TACC2: variants seen among roughly 807,000 people sequenced by gnomAD.
TACC2 encodes transforming acidic coiled-coil-containing protein 2.
In TACC2, 137 loss-of-function variants were observed where a neutral mutation model predicts 227.3. The observed-to-expected ratio is 0.60, with a 90% CI of 0.52 to 0.69. The LOEUF (loss-of-function observed/expected upper bound fraction) is 0.69. TACC2 is among the 30% of genes least tolerant of loss of function. TACC2 has a pLI of 0.00. For missense variants in TACC2, 3,470 were observed against 3,694.4 expected (o/e 0.94, Z 1.57); for synonymous variants, 1,523 against 1,487.5 (o/e 1.02, Z -0.55).
intron 11 of TACC2, among the ~76,000 whole-genome samples, chr10:122,222,004 AAGC>A (rs2095532908): frequency 6.6e-6 from 1 of 152,272 alleles, no homozygotes; most frequent in Non-Finnish European, 1.5e-5. Context: ...TAATTACCAA[AAGC>A]AGCCCTCAGA....
rs2076833474 is a variant in TACC2, at chr10:122,061,632, A to T, written c.146+11082A>T. ...AGCTCCTTAGCACCCCAGCCTTTTT[A>T]GGGGGTCGGTGTCTTAGTCCATTTA... On this transcript the variant is annotated intron_variant, in intron 3 of 22. Coordinates refer to ENST00000369005, the MANE Select transcript of TACC2 (RefSeq NM_206862.4). Among the ~76,000 whole-genome samples, 3 of 152,120 alleles carry T rather than the reference A, an allele frequency of 2.0e-5. No individual in the cohort carries two copies. In the South Asian group the frequency reaches 6.2e-4, roughly 32 times the overall value.
intron 19 of TACC2, 36 bp downstream of exon 19, chr10:122,242,037 C>G: frequency 6.2e-7 from 1 of 1,602,674 alleles, no homozygotes; most frequent in Non-Finnish European, 8.6e-7. Context: ...CAGGCCGGCC[C>G]CGATGTTTCT....
chr10:122,227,599 T>C (rs1051836382), intron 13 of TACC2, among the ~76,000 whole-genome samples: 1 of 152,216 alleles, frequency 6.6e-6, no homozygotes, highest in African/African-American at 2.4e-5. Context: ...GCGGGTGGTC[T>C]GCTGAACTGC....
chr10:122,027,144 G>C (rs1040066865), intron 2 of TACC2, among the ~76,000 whole-genome samples: 8 of 152,088 alleles, frequency 5.3e-5, no homozygotes, highest in Non-Finnish European at 1.0e-4. Context: ...TCTGGATTTT[G>C]GGTCATTCTG....
chr10:122,162,888 G>A (rs894026395), intron 7 of TACC2, among the ~76,000 whole-genome samples: 3 of 152,126 alleles, frequency 2.0e-5, no homozygotes, highest in Non-Finnish European at 2.9e-5. Context: ...TGCCTTGGGC[G>A]GCTCAGCTGG....
At chr10:122,136,872 A>G (rs889866384) in intron 6 of TACC2, among the ~76,000 whole-genome samples, 11 of 151,992 alleles carry the variant, frequency 7.2e-5, no homozygotes, top group Non-Finnish European at 1.2e-4. Flanking sequence ...TTTAATTAAT[A>G]AAAAAAATTT....
chr10:122,084,369 G>A lies in TACC2; in HGVS notation c.1869G>A (p.Glu623=), dbSNP rs950570245. ...TTTCAAAGCCAAGCAGTGATGCAGA[G>A]AGCAGAGACCATCCCAGCTCACACT... ...DELSKPSSDA[E]SRDHPSSHSA... is the part of the protein sequence containing the mutation. Residue 623 remains glutamate, a synonymous_variant, in exon 4 of 23, where the codon GAG becomes GAA. Coordinates refer to ENST00000369005, the MANE Select transcript of TACC2 (RefSeq NM_206862.4). 2.5e-6 allele frequency: 4 copies of A among 1,613,504 alleles called. No individual in the cohort carries two copies. The highest frequency in any genetic ancestry group is 3.4e-6 in the Non-Finnish European group (4 of 1,180,032).
At chr10:122,132,438 A>T (rs980139598) in intron 5 of TACC2, among the ~76,000 whole-genome samples, 171 bp from the exon 6 acceptor site, 1 of 152,172 alleles carries the variant, frequency 6.6e-6, no homozygotes, top group Non-Finnish European at 1.5e-5. Flanking sequence ...AATCGCAGCT[A>T]CTCAGGAGGC....
chr10:122,087,376 CAT>C lies in TACC2; in HGVS notation c.4877_4878del (p.His1626ArgfsTer19). 3 of 1,614,072 alleles carry C rather than the reference CAT, an allele frequency of 1.9e-6. No individual in the cohort carries two copies. The highest frequency in any genetic ancestry group is 2.5e-6 in the Non-Finnish European group (3 of 1,180,046). On this transcript the variant is annotated frameshift_variant, in exon 4 of 23. Coordinates refer to ENST00000369005, the MANE Select transcript of TACC2 (RefSeq NM_206862.4). LOFTEE classifies it high-confidence loss of function. ...CTTTGCTCACACAGGGGTTCCAGGA[CAT>C]GTGCCAAGGTCCACGTGTGCCCCTT... Reference protein sequence around the residue: ...GDFAHTGVPGHVPRSTCAPSP... With the variant: ...GDFAHTGVPGXVPRSTCAPSP...
intron 22 of TACC2, among the ~76,000 whole-genome samples, chr10:122,250,847 T>C (rs1035489901): frequency 5.9e-5 from 9 of 151,406 alleles, no homozygotes; most frequent in Admixed American, 1.3e-4. Context: ...CACTAGGCCC[T>C]GTGCCCTATT....
chr10:122,211,547 T>G lies in TACC2; in HGVS notation c.7122T>G (p.Cys2374Trp). The change falls in exon 9 of 23, where the codon TGT (cysteine) becomes TGG (tryptophan). Residue 2374 changes from cysteine (C) to tryptophan (W), a missense_variant. Physicochemically the swap from Cys to Trp is radical, Grantham distance 215 (BLOSUM62 -2). Around this residue, in one of 10 missense-constraint regions of TACC2, gnomAD observed 593 missense variants for 636.6 expected, o/e 0.93. Transcript: ENST00000369005. ...QQSYNFDPDTCDESVDPFKTS... is the reference protein window; with the variant it reads ...QQSYNFDPDTWDESVDPFKTS... ...CATACAACTTTGACCCAGACACCTG[T>G]GATGAGTCCGTTGACCCCTTTAAGA... The G allele has an allele frequency of 6.2e-7, 1 of 1,613,992 alleles. No individual in the cohort carries two copies. Among genetic ancestry groups the G allele is most frequent in the East Asian group, 2.2e-5 (1 of 44,864 alleles).
chr10:122,240,656 T>A (rs984498544), intron 18 of TACC2, among the ~76,000 whole-genome samples: 3 of 152,192 alleles, frequency 2.0e-5, no homozygotes, highest in African/African-American at 7.2e-5. Flanking sequence ...CCAGGCCTCC[T>A]GACCGGGGTG....
chr10:122,107,272 T>A (rs1592082915), intron 5 of TACC2, among the ~76,000 whole-genome samples: 1 of 152,184 alleles, frequency 6.6e-6, no homozygotes, highest in Non-Finnish European at 1.5e-5. Context: ...CGGTGGCTCA[T>A]GCTTCTAATC....
Position 122,211,413 on chromosome 10 carries a change from A to G in TACC2, c.6988A>G (p.Ile2330Val), listed in dbSNP as rs776679676. The change falls in exon 9 of 23, where the codon ATT (isoleucine) becomes GTT (valine). Residue 2330 changes from isoleucine (I) to valine (V), a missense_variant. Ile to Val is a conservative substitution (Grantham distance 29). Around this residue, in one of 10 missense-constraint regions of TACC2, gnomAD observed 593 missense variants for 636.6 expected, o/e 0.93. Coordinates refer to ENST00000369005, the MANE Select transcript of TACC2 (RefSeq NM_206862.4). ...CCCTGCTGAACCCAATGACATCCCC[A>G]TTGCTAAAGGTACTTACACCTTTGA... ...RSPAEPNDIP[I>V]AKGTYTFDID... is the part of the protein sequence containing the mutation. The G allele has an allele frequency of 2.4e-5, 38 of 1,614,004 alleles. No homozygotes were observed. The highest frequency in any genetic ancestry group is 3.1e-5 in the Non-Finnish European group (36 of 1,180,016).
At chr10:122,226,316 A>G (rs764876396) in intron 12 of TACC2, 50 bp from the exon 13 acceptor site, 9 of 1,295,938 alleles carry the variant, frequency 6.9e-6, no homozygotes, top group Non-Finnish European at 1.0e-5. Context: ...TCTCCGTTGC[A>G]CGTTCAGGCC....
chr10:122,169,280 T>C (rs2140019133), intron 7 of TACC2, among the ~76,000 whole-genome samples: 1 of 152,302 alleles, frequency 6.6e-6, no homozygotes, highest in South Asian at 2.1e-4. Flanking sequence ...CAGCAGAAAC[T>C]CTTGTGTACC....
intron 9 of TACC2, 149 bp from the exon 10 acceptor site, chr10:122,215,242 G>A: frequency 3.1e-6 from 2 of 652,940 alleles, no homozygotes; most frequent in Non-Finnish European, 5.6e-6. Context: ...TAGCCGGCGT[G>A]GCCTCTCGCT....
At chr10:122,229,616 C>T (rs1216441664) in intron 15 of TACC2, 130 bp downstream of exon 15, 1 of 1,032,340 alleles carries the variant, frequency 9.7e-7, no homozygotes, top group African/African-American at 1.6e-5. Flanking sequence ...GACATATCTT[C>T]CCCTCAAAGG....
intron 18 of TACC2, among the ~76,000 whole-genome samples, chr10:122,240,078 G>C (rs892053152): frequency 1.3e-5 from 2 of 152,192 alleles, no homozygotes; most frequent in African/African-American, 4.8e-5. Flanking sequence ...CTCCACCCCA[G>C]TGTCTTCATC....
Sources: allele counts gnomAD v4.1 joint callset (sites outside exome capture counted in the v4.1 genomes callset), GRCh38; gene constraint gnomAD v4.1.1; regional missense constraint gnomAD v4.1.1; transcripts MANE v1.5; gene names NCBI Gene and HGNC (gene_info 2026-07-23, HGNC 2026-07-21).